The following PLPP1 variants were observed in gnomAD, a reference collection of about 807,000 sequenced individuals.
PLPP1 encodes the protein lipid phosphate phosphohydrolase 1a.
Under a neutral mutation model 31.2 loss-of-function variants are expected in PLPP1, and 24 were observed. That is an observed-to-expected ratio of 0.77 (90% CI 0.56 to 1.08). PLPP1 has a LOEUF of 1.08. Ranked by LOEUF, PLPP1 falls within the 50% of genes least tolerant of loss-of-function variation. The pLI, the probability that PLPP1 is intolerant of heterozygous loss-of-function variation, is 0.00. For synonymous variants in PLPP1, 146 were observed against 126.3 expected (o/e 1.16, Z -1.05); for missense variants, 319 against 342.7 (o/e 0.93, Z 0.55).
At chr5:55,461,726 T>A (rs965655140) in intron 3 of PLPP1, among the ~76,000 whole-genome samples, 1 of 151,964 alleles carries the variant, frequency 6.6e-6, no homozygotes, top group African/African-American at 2.4e-5. Context: ...TTAGCCAGTG[T>A]AGTAAGGAAA....
intron 1 of PLPP1, among the ~76,000 whole-genome samples, chr5:55,512,480 A>AGG (rs1554041596): frequency 5.1e-4 from 4 of 7,860 alleles, no homozygotes; most frequent in Non-Finnish European, 1.3e-3. Flanking sequence ...AAAAAAAAAA[A>AGG]AAAGAAAGAA....
At chr5:55,493,045 G>A (rs143880786) in intron 1 of PLPP1, among the ~76,000 whole-genome samples, 2 of 152,208 alleles carry the variant, frequency 1.3e-5, no homozygotes, top group Admixed American at 6.5e-5. Flanking sequence ...GAGTACGGTG[G>A]GTCACACCTA....
intron 1 of PLPP1, chr5:55,490,939 CCTA>C: frequency 6.3e-7 from 1 of 1,598,620 alleles, no homozygotes; most frequent in Middle Eastern, 1.7e-4. Context: ...CCCATCACTA[CCTA>C]CTTATTAATT....
chr5:55,426,395 G>T (rs1255078968), intron 4 of PLPP1, among the ~76,000 whole-genome samples: 1 of 151,984 alleles, frequency 6.6e-6, no homozygotes, highest in Non-Finnish European at 1.5e-5. Context: ...GCTGCCATTG[G>T]TTTTTTTATT....
At chr5:55,530,947 G>A (rs889827635) in intron 1 of PLPP1, among the ~76,000 whole-genome samples, 5 of 150,986 alleles carry the variant, frequency 3.3e-5, no homozygotes, top group Admixed American at 6.6e-5. Context: ...CAGCGGCAGC[G>A]GCCGAGGTGA....
chr5:55,520,916 A>G (rs982348831), intron 1 of PLPP1, among the ~76,000 whole-genome samples: 2 of 152,226 alleles, frequency 1.3e-5, no homozygotes, highest in African/African-American at 4.8e-5. Context: ...GTTCTGAAAT[A>G]AAGACAGACT....
chr5:55,425,707 CTGGTG>C (rs1751166654), intron 5 of PLPP1, 151 bp downstream of exon 5: 1 of 613,918 alleles, frequency 1.6e-6, no homozygotes. Flanking sequence ...AGTTTTTAAC[CTGGTG>C]TGTATCCTGA....
intron 1 of PLPP1, among the ~76,000 whole-genome samples, chr5:55,529,414 T>C (rs1740579143): frequency 1.3e-5 from 2 of 152,258 alleles, no homozygotes; most frequent in East Asian, 3.9e-4. Flanking sequence ...TCAGAAATAC[T>C]GGCTACTGAA....
chr5:55,425,475 GACTA>G (rs941371281), intron 5 of PLPP1, 141 bp from the exon 6 acceptor site: 17 of 721,866 alleles, frequency 2.4e-5, no homozygotes, highest in African/African-American at 7.4e-5. Context: ...AAAAATTAGA[GACTA>G]ACTGGGATTT....
chr5:55,524,891 A>T (rs1245012415), intron 1 of PLPP1, among the ~76,000 whole-genome samples: 1 of 152,220 alleles, frequency 6.6e-6, no homozygotes, highest in Admixed American at 6.5e-5. Context: ...AGCAATAAAA[A>T]GGTGACTAGA....
At chr5:55,514,006 G>T (rs138279567) in intron 1 of PLPP1, among the ~76,000 whole-genome samples, 1 of 152,286 alleles carries the variant, frequency 6.6e-6, no homozygotes, top group East Asian at 1.9e-4. Flanking sequence ...CTTCATTTCA[G>T]TCATTTTGGT....
intron 2 of PLPP1, among the ~76,000 whole-genome samples, chr5:55,472,081 C>T (rs1290702307): frequency 6.6e-6 from 1 of 152,198 alleles, no homozygotes; most frequent in Non-Finnish European, 1.5e-5. Context: ...CTGATCACAC[C>T]ACTGCACTCC....
intron 1 of PLPP1, among the ~76,000 whole-genome samples, chr5:55,503,776 C>A: frequency 8.3e-6 from 1 of 120,546 alleles, no homozygotes; most frequent in East Asian, 2.8e-4. Context: ...GAGGCTGTCT[C>A]AAAACGAAGG....
chr5:55,440,976 A>G (rs1021705806), intron 4 of PLPP1, among the ~76,000 whole-genome samples: 1 of 152,204 alleles, frequency 6.6e-6, no homozygotes, highest in African/African-American at 2.4e-5. Flanking sequence ...ATTAGGGTAC[A>G]GATTTTCTAA....
chr5:55,524,991 C>A (rs374367888), intron 1 of PLPP1, among the ~76,000 whole-genome samples: 1 of 149,290 alleles, frequency 6.7e-6, no homozygotes, highest in African/African-American at 2.5e-5. Flanking sequence ...TAATTACTCT[C>A]CACCACAGAC....
chr5:55,520,752 T>C (rs1361997022), intron 1 of PLPP1, among the ~76,000 whole-genome samples: 2 of 152,238 alleles, frequency 1.3e-5, no homozygotes, highest in African/African-American at 2.4e-5. Flanking sequence ...AGCACCAATA[T>C]TAGAGTGTTT....
At chr5:55,465,047 GTT>G (rs11292300) in intron 3 of PLPP1, among the ~76,000 whole-genome samples, 93 of 133,988 alleles carry the variant, frequency 6.9e-4, no homozygotes, top group East Asian at 4.6e-3. Context: ...GGCGGAGGTG[GTT>G]TTTTTTTTTT....
At chr5:55,457,103 T>A (rs1752030842) in intron 3 of PLPP1, among the ~76,000 whole-genome samples, 1 of 148,858 alleles carries the variant, frequency 6.7e-6, no homozygotes. Context: ...GAGGTTGCAG[T>A]GAGCAGAGAT....
intron 3 of PLPP1, among the ~76,000 whole-genome samples, chr5:55,445,234 A>G (rs527341949): frequency 3.9e-5 from 6 of 152,244 alleles, no homozygotes; most frequent in African/African-American, 1.4e-4. Context: ...TCGACTGAGC[A>G]TTCTTCTATC....
Sources: allele counts gnomAD v4.1 joint callset (sites outside exome capture counted in the v4.1 genomes callset), GRCh38; gene constraint gnomAD v4.1.1; transcripts MANE v1.5; gene names NCBI Gene and HGNC (gene_info 2026-07-23, HGNC 2026-07-21).